Variants in PRUNE2 observed in about 807,000 individuals in gnomAD.
PRUNE2 encodes prune homolog 2 with BCH domain, also known as protein prune homolog 2.
A neutral mutation model predicts 252.0 loss-of-function variants in PRUNE2; 164 were observed. That is an observed-to-expected ratio of 0.65 (90% CI 0.57 to 0.74). The LOEUF is 0.74. PRUNE2 is among the 30% of genes least tolerant of loss of function. PRUNE2 has a pLI of 0.00. For synonymous variants in PRUNE2, 1,292 were observed against 1,350.2 expected, an observed-to-expected ratio of 0.96 and a Z score of 0.94; for missense variants, 3,495 against 3,711.0, an observed-to-expected ratio of 0.94 and a Z score of 1.51.
At chr9:76,754,986 A>C (rs1286507618) in intron 6 of PRUNE2, among the ~76,000 whole-genome samples, 5 of 150,960 alleles carry the variant, frequency 3.3e-5, no homozygotes, top group Admixed American at 6.6e-5. Flanking sequence ...AAAAAAAAAA[A>C]AACCCAAAAA....
rs80340063 is a variant in PRUNE2, at chr9:76,623,279, G to A, written c.9188+1173C>T. Among the ~76,000 whole-genome samples, 514 of 151,252 alleles carry A rather than the reference G, an allele frequency of 3.4e-3. 7 individuals carry two copies. In the East Asian group the frequency reaches 0.062, roughly 18 times the overall value. ...GAAAATTTCTTTGTAACTTGGAAAC[G>A]AGAAAAGAGAATGACTGGATTTTTT... On this transcript the variant is annotated intron_variant, in intron 17 of 18. Transcript: ENST00000376718.
At chr9:76,765,688 C>T (rs2052284579) in intron 6 of PRUNE2, among the ~76,000 whole-genome samples, 1 of 152,176 alleles carries the variant, frequency 6.6e-6, no homozygotes, top group South Asian at 2.1e-4. Flanking sequence ...GAAGGCACAG[C>T]CTTATCTAGT....
intron 16 of PRUNE2, 148 bp downstream of exon 16, chr9:76,629,044 A>G: frequency 1.9e-6 from 1 of 529,288 alleles, no homozygotes; most frequent in Non-Finnish European, 3.3e-6. Flanking sequence ...GGGTTTTGCT[A>G]TGTTGTCCAG....
At chr9:76,630,275 T>A (rs546182667) in intron 15 of PRUNE2, among the ~76,000 whole-genome samples, 57 of 145,838 alleles carry the variant, frequency 3.9e-4, no homozygotes, top group African/African-American at 1.4e-3. Context: ...TTTTTTTTTT[T>A]AAAGTTTTAG....
chr9:76,690,790 TGAC>T (rs903134703), intron 9 of PRUNE2, among the ~76,000 whole-genome samples: 4 of 152,196 alleles, frequency 2.6e-5, no homozygotes, highest in Admixed American at 2.0e-4. Context: ...TAGGTGCTGC[TGAC>T]TTCCAATGAC....
At chr9:76,655,549 C>G in intron 9 of PRUNE2, 47 bp from the exon 10 acceptor site, 1 of 1,387,966 alleles carries the variant, frequency 7.2e-7, no homozygotes, top group Non-Finnish European at 1.0e-6. Flanking sequence ...CTGTGTAAGA[C>G]TTCATTTCTT....
At chr9:76,727,416 G>A (rs73650987) in intron 6 of PRUNE2, among the ~76,000 whole-genome samples, 7,765 of 152,156 alleles carry the variant, frequency 0.051, 617 homozygotes, top group African/African-American at 0.17. Context: ...TTTATTAATT[G>A]GCCAAATATT....
chr9:76,690,815 CTTG>C lies in PRUNE2; in HGVS notation c.8276+12519_8276+12521del, dbSNP rs1440556231. 3.9e-5 allele frequency among the ~76,000 whole-genome samples: 6 copies of C among 152,278 alleles called. No homozygotes were observed. In the East Asian group the frequency reaches 1.2e-3, roughly 29 times the overall value. ...TGACTTCCAATGACAATAACCTCAT[CTTG>C]TTGTTCTGAGTTGGGGAACAAGGTC... On this transcript the variant is annotated intron_variant, in intron 9 of 18. Transcript: ENST00000376718.
chr9:76,713,251 C>T (rs1449410613), intron 7 of PRUNE2, among the ~76,000 whole-genome samples: 1 of 152,072 alleles, frequency 6.6e-6, no homozygotes, highest in Admixed American at 6.6e-5. Flanking sequence ...AGGGGCTAAA[C>T]CTTGTCAGTT....
intron 6 of PRUNE2, among the ~76,000 whole-genome samples, chr9:76,806,394 G>A (rs1451668007): frequency 6.6e-6 from 1 of 152,162 alleles, no homozygotes; most frequent in Non-Finnish European, 1.5e-5. Context: ...TGGACTCCGT[G>A]CAGAAAGACT....
At chr9:76,806,087 C>A (rs2056912633) in intron 6 of PRUNE2, among the ~76,000 whole-genome samples, 1 of 152,152 alleles carries the variant, frequency 6.6e-6, no homozygotes, top group South Asian at 2.1e-4. Context: ...TCTCTCTAAA[C>A]CAGTGGTTCA....
At chr9:76,821,673 C>T (rs2058045112) in intron 6 of PRUNE2, among the ~76,000 whole-genome samples, 1 of 152,104 alleles carries the variant, frequency 6.6e-6, no homozygotes, top group African/African-American at 2.4e-5. Context: ...TCCTCCTTTC[C>T]TCCAAGATCA....
At chr9:76,800,416 G>C (rs927693043) in intron 6 of PRUNE2, among the ~76,000 whole-genome samples, 1 of 152,150 alleles carries the variant, frequency 6.6e-6, no homozygotes, top group African/African-American at 2.4e-5. Flanking sequence ...CTTTCTATTA[G>C]AGACATGATT....
chr9:76,868,987 A>T (rs1046603486), intron 1 of PRUNE2: 2 of 152,076 alleles, frequency 1.3e-5, no homozygotes, highest in African/African-American at 4.8e-5. Flanking sequence ...TGCCCCAGAT[A>T]CTTTAATTAT....
intron 1 of PRUNE2, among the ~76,000 whole-genome samples, chr9:76,887,565 T>G (rs2062178605): frequency 6.6e-6 from 1 of 152,208 alleles, no homozygotes; most frequent in African/African-American, 2.4e-5. Context: ...CCCACCCCAC[T>G]GCTATTGGGC....
intron 17 of PRUNE2, among the ~76,000 whole-genome samples, chr9:76,621,249 G>A (rs786320): frequency 0.8 from 122,160 of 152,116 alleles, 49,544 homozygotes; most frequent in Admixed American, 0.86. Flanking sequence ...ACCTGGGCAT[G>A]TCTGGCTTCT....
At chr9:76,842,195 A>G (rs1285552957) in intron 4 of PRUNE2, among the ~76,000 whole-genome samples, 1 of 152,168 alleles carries the variant, frequency 6.6e-6, no homozygotes, top group Non-Finnish European at 1.5e-5. Context: ...ACACATCTAC[A>G]ACCATCTGAT....
At chr9:76,851,549 GAA>G (rs1329349820) in intron 2 of PRUNE2, among the ~76,000 whole-genome samples, 1 of 113,582 alleles carries the variant, frequency 8.8e-6, no homozygotes. Flanking sequence ...CTCTGTCTCG[GAA>G]AAAAAAAAAA....
chr9:76,854,635 T>C (rs1254725755), intron 1 of PRUNE2, among the ~76,000 whole-genome samples: 1 of 152,206 alleles, frequency 6.6e-6, no homozygotes, highest in Non-Finnish European at 1.5e-5. Context: ...GACACAGAGT[T>C]TGGTAAGGAT....
Sources: gnomAD v4.1 joint callset for allele counts (sites outside exome capture counted in the v4.1 genomes callset) on GRCh38, gnomAD v4.1.1 for gene constraint, MANE v1.5 for transcripts, NCBI Gene and HGNC (gene_info 2026-07-23, HGNC 2026-07-21) for gene names.